Variants in RYR3 observed in about 807,000 individuals in gnomAD.
RYR3 encodes brain ryanodine receptor-calcium release channel.
In RYR3, 207 loss-of-function variants were observed where a neutral mutation model predicts 584.3. The ratio of observed to expected loss-of-function variants is 0.35; its 90% confidence interval spans 0.32 to 0.40. RYR3 has a LOEUF of 0.40. Among genes scored for constraint, RYR3 ranks in the 10% least tolerant of loss-of-function variants. The pLI, the probability that RYR3 is intolerant of heterozygous loss-of-function variation, is 1.00. For synonymous variants in RYR3, 2,416 were observed against 2,248.5 expected (o/e 1.07, Z -2.11); for missense variants, 5,616 against 6,089.2 (o/e 0.92, Z 2.59).
chr15:33,623,733 T>C (rs1595873421), intron 19 of RYR3, 74 bp from the exon 20 acceptor site: 1 of 1,090,070 alleles, frequency 9.2e-7, no homozygotes, highest in South Asian at 1.4e-5. Context: ...TAGGGATTGA[T>C]CTTTAATTTT....
chr15:33,734,018 A>C (rs1429410990), intron 48 of RYR3, among the ~76,000 whole-genome samples: 1 of 152,198 alleles, frequency 6.6e-6, no homozygotes, highest in Non-Finnish European at 1.5e-5. Flanking sequence ...AGCTGTATCT[A>C]CTGTCTTTGT....
intron 1 of RYR3, among the ~76,000 whole-genome samples, chr15:33,410,055 T>C (rs1596016968): frequency 6.6e-6 from 1 of 150,742 alleles, no homozygotes; most frequent in African/African-American, 2.5e-5. Context: ...TATTCCCTTA[T>C]TTTTTTTCTG....
chr15:33,461,629 G>T (rs1408705223), intron 1 of RYR3, among the ~76,000 whole-genome samples: 1 of 152,136 alleles, frequency 6.6e-6, no homozygotes, highest in Non-Finnish European at 1.5e-5. Context: ...GGTGAGAGGG[G>T]AATTAAATAA....
At chr15:33,676,366 G>A (rs977393353) in intron 38 of RYR3, among the ~76,000 whole-genome samples, 2 of 152,140 alleles carry the variant, frequency 1.3e-5, no homozygotes, top group Non-Finnish European at 2.9e-5. Flanking sequence ...TCATAGGACC[G>A]GAAATTTCTG....
At chr15:33,468,413 A>G (rs1454589234) in intron 1 of RYR3, among the ~76,000 whole-genome samples, 1 of 152,190 alleles carries the variant, frequency 6.6e-6, no homozygotes, top group African/African-American at 2.4e-5. Context: ...TGAATAGTTG[A>G]TATCATTATC....
At chr15:33,362,282 A>T (rs1379207297) in intron 1 of RYR3, among the ~76,000 whole-genome samples, 2 of 152,080 alleles carry the variant, frequency 1.3e-5, no homozygotes, top group African/African-American at 2.4e-5. Context: ...GAACAGCCTG[A>T]TGTTAACCTG....
intron 1 of RYR3, among the ~76,000 whole-genome samples, chr15:33,461,686 C>G (rs1217980891): frequency 6.6e-6 from 1 of 152,144 alleles, no homozygotes; most frequent in Admixed American, 6.5e-5. Flanking sequence ...CCAATGGAAA[C>G]ATTTACTTAC....
At chr15:33,731,379 A>T (rs972250653) in intron 47 of RYR3, 95 bp from the exon 48 acceptor site, 1 of 808,362 alleles carries the variant, frequency 1.2e-6, no homozygotes, top group Non-Finnish European at 2.1e-6. Flanking sequence ...GACATATATA[A>T]GCTCCCACAG....
chr15:33,637,072 C>A (rs1451991962), intron 27 of RYR3, among the ~76,000 whole-genome samples: 1 of 152,160 alleles, frequency 6.6e-6, no homozygotes, highest in Non-Finnish European at 1.5e-5. Flanking sequence ...GAAACCCAAC[C>A]AGAGTTGCAT....
chr15:33,331,916 G>T (rs72725443), intron 1 of RYR3, among the ~76,000 whole-genome samples: 4 of 152,064 alleles, frequency 2.6e-5, no homozygotes, highest in Non-Finnish European at 5.9e-5. Flanking sequence ...GAAGGTAATT[G>T]ATGATAAAGA....
intron 1 of RYR3, among the ~76,000 whole-genome samples, chr15:33,365,702 T>C (rs2141042776): frequency 6.6e-6 from 1 of 152,308 alleles, no homozygotes; most frequent in East Asian, 1.9e-4. Flanking sequence ...ATTCTTACTA[T>C]GCAAATAAAT....
intron 12 of RYR3, among the ~76,000 whole-genome samples, chr15:33,574,099 T>C (rs619196): frequency 0.81 from 123,455 of 152,056 alleles, 50,518 homozygotes; most frequent in Middle Eastern, 0.94. Context: ...AGAGGCTTAG[T>C]GGCAACCCAA....
chr15:33,612,661 A>G (rs2060254605), intron 18 of RYR3, among the ~76,000 whole-genome samples: 1 of 152,182 alleles, frequency 6.6e-6, no homozygotes, highest in African/African-American at 2.4e-5. Flanking sequence ...TGCCCAGCCT[A>G]TGTAGCATAG....
chr15:33,777,507 C>T (rs1355436748), intron 64 of RYR3, among the ~76,000 whole-genome samples: 1 of 152,036 alleles, frequency 6.6e-6, no homozygotes, highest in Non-Finnish European at 1.5e-5. Flanking sequence ...AACTTTTTAA[C>T]AGCTAGGCCA....
At chr15:33,434,545 A>G (rs1335007669) in intron 1 of RYR3, among the ~76,000 whole-genome samples, 1 of 152,146 alleles carries the variant, frequency 6.6e-6, no homozygotes, top group Non-Finnish European at 1.5e-5. Context: ...TAGAGTTGGA[A>G]GCCTTGGTAA....
chr15:33,374,111 C>T (rs892266157), intron 1 of RYR3, among the ~76,000 whole-genome samples: 1 of 151,938 alleles, frequency 6.6e-6, no homozygotes, highest in Admixed American at 6.6e-5. Context: ...AGCTAAAAAG[C>T]AGTGAATTGC....
At chr15:33,656,331 TTCC>T (rs1414954512) in intron 32 of RYR3, among the ~76,000 whole-genome samples, 1 of 152,168 alleles carries the variant, frequency 6.6e-6, no homozygotes, top group Non-Finnish European at 1.5e-5. Flanking sequence ...GGCATGTAAG[TTCC>T]TCATTTAGAA....
intron 26 of RYR3, 82 bp from the exon 27 acceptor site, chr15:33,636,294 A>G (rs1566837364): frequency 2.6e-6 from 3 of 1,153,636 alleles, no homozygotes; most frequent in Non-Finnish European, 3.9e-6. Flanking sequence ...TAGTTAGGAG[A>G]TATCGAAGAT....
intron 8 of RYR3, among the ~76,000 whole-genome samples, chr15:33,544,356 C>T (rs1379196034): frequency 6.6e-6 from 1 of 151,778 alleles, no homozygotes; most frequent in Non-Finnish European, 1.5e-5. Flanking sequence ...AAAAAAAAAT[C>T]AAACCTCAGA....
Sources: allele counts gnomAD v4.1 joint callset (sites outside exome capture counted in the v4.1 genomes callset), GRCh38; gene constraint gnomAD v4.1.1; transcripts MANE v1.5; gene names NCBI Gene and HGNC (gene_info 2026-07-23, HGNC 2026-07-21).